DIP2B: variants seen among roughly 807,000 people sequenced by gnomAD.
DIP2B encodes DIP2 acetate--CoA ligase B (putative).
DIP2B carries 76 observed loss-of-function variants against 198.0 expected under a neutral mutation model. That is an observed-to-expected ratio of 0.38 (90% CI 0.32 to 0.46). The LOEUF (loss-of-function observed/expected upper bound fraction) is 0.46. Among genes scored for constraint, DIP2B ranks in the 20% least tolerant of loss-of-function variants. The pLI, the probability that DIP2B is intolerant of heterozygous loss-of-function variation, is 0.99. For synonymous variants in DIP2B, 701 were observed against 739.1 expected, an observed-to-expected ratio of 0.95 and a Z score of 0.84; for missense variants, 1,559 against 1,978.4, an observed-to-expected ratio of 0.79 and a Z score of 4.02.
chr12:50,547,652 TA>T (rs531699490), intron 1 of DIP2B, among the ~76,000 whole-genome samples: 6 of 151,958 alleles, frequency 3.9e-5, no homozygotes, highest in Admixed American at 2.6e-4. Context: ...CTAAAACTGC[TA>T]AAAAAAATAA....
At chr12:50,635,916 A>G (rs1271424344) in intron 2 of DIP2B, among the ~76,000 whole-genome samples, 1 of 152,192 alleles carries the variant, frequency 6.6e-6, no homozygotes, top group Non-Finnish European at 1.5e-5. Context: ...GAGGAGACAG[A>G]CAAGATCTTA....
intron 31 of DIP2B, among the ~76,000 whole-genome samples, chr12:50,731,847 T>C (rs1036076828): frequency 2.0e-5 from 3 of 152,194 alleles, no homozygotes; most frequent in Non-Finnish European, 2.9e-5. Flanking sequence ...TTTTTCCTAA[T>C]AGAATTTGAA....
At chr12:50,686,760 A>G in intron 12 of DIP2B, 78 bp downstream of exon 12, 2 of 1,367,682 alleles carry the variant, frequency 1.5e-6, no homozygotes, top group Non-Finnish European at 1.0e-6. Flanking sequence ...ATAAAACTGA[A>G]TTTTTGCAAC....
chr12:50,707,406 A>G (rs894451875), intron 21 of DIP2B, among the ~76,000 whole-genome samples: 1 of 152,200 alleles, frequency 6.6e-6, no homozygotes, highest in Non-Finnish European at 1.5e-5. Flanking sequence ...CCCAGCAATC[A>G]GTAGTGCCGG....
intron 4 of DIP2B, among the ~76,000 whole-genome samples, chr12:50,669,781 A>T (rs1383923737): frequency 6.6e-6 from 1 of 152,112 alleles, no homozygotes; most frequent in East Asian, 1.9e-4. Flanking sequence ...TCTAGATTAG[A>T]TGAGTCTTTT....
At chr12:50,509,311 G>A (rs1240392278) in intron 1 of DIP2B, among the ~76,000 whole-genome samples, 1 of 152,170 alleles carries the variant, frequency 6.6e-6, no homozygotes, top group African/African-American at 2.4e-5. Flanking sequence ...CTAGTAGAGC[G>A]GGCTATAATT....
At chr12:50,524,900 A>G (rs1433398797) in intron 1 of DIP2B, among the ~76,000 whole-genome samples, 1 of 151,936 alleles carries the variant, frequency 6.6e-6, no homozygotes, top group Non-Finnish European at 1.5e-5. Flanking sequence ...CCTAATTTTT[A>G]TTTTTTGTAG....
At position 50,675,384 on chromosome 12, in the gene DIP2B, G is replaced by C. The variant is rs1449157993; in HGVS notation, c.852G>C (p.Leu284=). 3 of 1,613,960 alleles carry C rather than the reference G, an allele frequency of 1.9e-6. No homozygotes were observed. Residue 284 remains leucine, a synonymous_variant, in exon 7 of 38, where the codon CTG becomes CTC. Transcript: ENST00000301180. ...AAATCCAGCAGCTTCTGAACACTCT[G>C]AAACGACCCAAAAGGCCTCCCTTAA... is the stretch of plus-strand genomic sequence containing the variant. The part of the protein sequence containing the change: ...STKIQQLLNT[L]KRPKRPPLKE...
At chr12:50,523,429 T>A (rs1360129395) in intron 1 of DIP2B, among the ~76,000 whole-genome samples, 2 of 152,210 alleles carry the variant, frequency 1.3e-5, no homozygotes, top group African/African-American at 4.8e-5. Flanking sequence ...AATCCATGGA[T>A]GTGGAACCCA....
intron 3 of DIP2B, among the ~76,000 whole-genome samples, chr12:50,641,964 T>C (rs1223961582): frequency 6.6e-6 from 1 of 152,204 alleles, no homozygotes; most frequent in African/African-American, 2.4e-5. Flanking sequence ...AACATTTTCT[T>C]GAACTGAAAA....
chr12:50,622,682 C>A (rs1397687901), intron 1 of DIP2B, among the ~76,000 whole-genome samples: 2 of 152,138 alleles, frequency 1.3e-5, no homozygotes, highest in Non-Finnish European at 2.9e-5. Flanking sequence ...GATCTCAGCT[C>A]ACCGCAGTAA....
intron 3 of DIP2B, among the ~76,000 whole-genome samples, chr12:50,643,026 C>CTGTGTGTGTGTGTGTGTGTGAG (rs10651157): frequency 6.7e-6 from 1 of 149,710 alleles, no homozygotes; most frequent in Admixed American, 6.7e-5. Context: ...CTGGGAGTTT[C>CTGTGTGTGTGTGTGTGTGTGAG]TGTGTGTGTG....
intron 1 of DIP2B, among the ~76,000 whole-genome samples, chr12:50,604,234 A>G (rs1401633032): frequency 3.3e-5 from 5 of 151,670 alleles, no homozygotes; most frequent in Middle Eastern, 3.2e-3. Flanking sequence ...GATTGATTAT[A>G]TACAGTTTTT....
intron 1 of DIP2B, among the ~76,000 whole-genome samples, chr12:50,538,583 A>G (rs913331166): frequency 5.9e-5 from 9 of 152,096 alleles, no homozygotes; most frequent in African/African-American, 1.9e-4. Flanking sequence ...TCTGTGAACC[A>G]TGAGAAATTT....
intron 1 of DIP2B, among the ~76,000 whole-genome samples, chr12:50,542,257 A>G (rs1426083788): frequency 2.0e-5 from 3 of 151,610 alleles, no homozygotes; most frequent in African/African-American, 4.8e-5. Context: ...TCAAAAAAAA[A>G]AAAAAAAAGA....
At chr12:50,547,241 A>G (rs1254975319) in intron 1 of DIP2B, among the ~76,000 whole-genome samples, 1 of 152,226 alleles carries the variant, frequency 6.6e-6, no homozygotes, top group Admixed American at 6.5e-5. Context: ...TTGGCTTAAA[A>G]CAGTGAAATA....
At chr12:50,637,087 G>T (rs1938174288) in intron 2 of DIP2B, among the ~76,000 whole-genome samples, 1 of 152,244 alleles carries the variant, frequency 6.6e-6, no homozygotes, top group East Asian at 1.9e-4. Flanking sequence ...CTTGGATGGG[G>T]TGGGAGTGAG....
intron 4 of DIP2B, among the ~76,000 whole-genome samples, chr12:50,662,341 A>C (rs1165508396): frequency 6.6e-6 from 1 of 152,230 alleles, no homozygotes; most frequent in African/African-American, 2.4e-5. Context: ...ACAAGGGGAA[A>C]CATTGAGCGC....
intron 4 of DIP2B, among the ~76,000 whole-genome samples, chr12:50,670,237 T>A (rs560367076): frequency 6.7e-6 from 1 of 149,608 alleles, no homozygotes; most frequent in African/African-American, 2.5e-5. Context: ...CTTCTCCAGC[T>A]GAAAATTAAA....
Sources: gnomAD v4.1 joint callset for allele counts (sites outside exome capture counted in the v4.1 genomes callset) on GRCh38, gnomAD v4.1.1 for gene constraint, MANE v1.5 for transcripts, NCBI Gene and HGNC (gene_info 2026-07-23, HGNC 2026-07-21) for gene names.